PPARGC1A: variants seen among roughly 807,000 people sequenced by gnomAD.
The protein encoded by PPARGC1A is PPARG coactivator 1 alpha, also known as peroxisome proliferator-activated receptor gamma coactivator 1-alpha.
Under a neutral mutation model 88.7 loss-of-function variants are expected in PPARGC1A, and 25 were observed. The observed-to-expected ratio is 0.28, with a 90% CI of 0.21 to 0.39. The LOEUF (loss-of-function observed/expected upper bound fraction) is 0.39, where lower values mean the gene tolerates loss of function less well. Among genes scored for constraint, PPARGC1A ranks in the 10% least tolerant of loss-of-function variants. The pLI, the probability that PPARGC1A is intolerant of heterozygous loss-of-function variation, is 1.00. For missense variants in PPARGC1A, 880 were observed against 968.7 expected (o/e 0.91, Z 1.22); for synonymous variants, 363 against 355.6 (o/e 1.02, Z -0.24).
the PPARGC1A span, among the ~76,000 whole-genome samples, chr4:24,260,431 A>G: frequency 2.0e-5 from 3 of 152,244 alleles, no homozygotes; most frequent in South Asian, 2.1e-4. Flanking sequence ...GCACATTAAT[A>G]AAACTCACAC....
At chr4:23,805,800 T>C (rs1719698364) in intron 10 of PPARGC1A, among the ~76,000 whole-genome samples, 1 of 151,772 alleles carries the variant, frequency 6.6e-6, no homozygotes, top group Non-Finnish European at 1.5e-5. Flanking sequence ...AGTGCAGAAG[T>C]GAGAGAAAGA....
At chr4:23,906,367 C>A (rs1336170192), upstream of PPARGC1A, among the ~76,000 whole-genome samples, 1 of 151,604 alleles carries the variant, frequency 6.6e-6, no homozygotes, top group Admixed American at 6.6e-5. Context: ...AATCCCAGCA[C>A]TTTGTGAGGT....
At chr4:24,018,953 C>T in the PPARGC1A span, among the ~76,000 whole-genome samples, 2 of 152,102 alleles carry the variant, frequency 1.3e-5, no homozygotes, top group Non-Finnish European at 2.9e-5. Flanking sequence ...ACCAGGGATA[C>T]ACCTAGGTAT....
At chr4:23,899,442 A>C (rs1719032090), upstream of PPARGC1A, 1 of 152,240 alleles carries the variant, frequency 6.6e-6, no homozygotes, top group Admixed American at 6.5e-5. Flanking sequence ...TTTAGCCCGA[A>C]TCACACAAAA....
chr4:24,296,219 TTA>T, the PPARGC1A span, among the ~76,000 whole-genome samples: 1 of 149,682 alleles, frequency 6.7e-6, no homozygotes. Context: ...ATATATATAT[TTA>T]TATATATATA....
At chr4:24,210,926 C>G in the PPARGC1A span, among the ~76,000 whole-genome samples, 1 of 152,182 alleles carries the variant, frequency 6.6e-6, no homozygotes, top group South Asian at 2.1e-4. Context: ...TTTTCTGACT[C>G]TCTCTCCTCA....
At chr4:24,050,032 A>G in the PPARGC1A span, among the ~76,000 whole-genome samples, 1,537 of 152,210 alleles carry the variant, frequency 0.01, 21 homozygotes, top group African/African-American at 0.035. Context: ...ATGGTTTCTA[A>G]TGTTCATTCT....
chr4:24,092,589 A>T, the PPARGC1A span, among the ~76,000 whole-genome samples: 1 of 152,192 alleles, frequency 6.6e-6, no homozygotes, highest in Admixed American at 6.5e-5. Flanking sequence ...CGGTAAATTC[A>T]CTACCTCCCA....
the PPARGC1A span, among the ~76,000 whole-genome samples, chr4:24,171,545 T>C: frequency 6.6e-6 from 1 of 152,186 alleles, no homozygotes; most frequent in Admixed American, 6.5e-5. Context: ...CTCTCCCCTC[T>C]AGAGAACGGA....
chr4:23,924,893 AC>A, the PPARGC1A span, among the ~76,000 whole-genome samples: 5 of 151,978 alleles, frequency 3.3e-5, no homozygotes, highest in African/African-American at 1.2e-4. Flanking sequence ...GTGGATTCCT[AC>A]CCCCACTTTC....
intron 11 of PPARGC1A, 45 bp from the exon 12 acceptor site, chr4:23,801,926 G>A: frequency 6.2e-7 from 1 of 1,607,080 alleles, no homozygotes; most frequent in Non-Finnish European, 8.5e-7. Context: ...AGAAGTATTA[G>A]TATATGGGAC....
At chr4:24,145,658 T>A in the PPARGC1A span, among the ~76,000 whole-genome samples, 3 of 152,186 alleles carry the variant, frequency 2.0e-5, no homozygotes, top group Non-Finnish European at 2.9e-5. Context: ...TCTTCTAGGT[T>A]GGACAGAAAA....
the PPARGC1A span, among the ~76,000 whole-genome samples, chr4:24,269,992 T>C: frequency 3.7e-3 from 565 of 152,308 alleles, 4 homozygotes; most frequent in Non-Finnish European, 4.8e-3. Flanking sequence ...GGTTAAATAT[T>C]ATTCTGGGTG....
At chr4:23,926,431 A>G in the PPARGC1A span, among the ~76,000 whole-genome samples, 1 of 152,124 alleles carries the variant, frequency 6.6e-6, no homozygotes, top group African/African-American at 2.4e-5. Context: ...CCATTCCATG[A>G]TGAATGTCCT....
At chr4:24,460,216 T>G in the PPARGC1A span, among the ~76,000 whole-genome samples, 1 of 152,186 alleles carries the variant, frequency 6.6e-6, no homozygotes, top group Admixed American at 6.5e-5. Context: ...AAACAAGCAT[T>G]TTAACATAAC....
chr4:24,381,801 A>G, the PPARGC1A span, among the ~76,000 whole-genome samples: 1 of 152,252 alleles, frequency 6.6e-6, no homozygotes, highest in Non-Finnish European at 1.5e-5. Flanking sequence ...CAACTCTTTC[A>G]TCATTAGGTA....
chr4:24,168,538 T>C, the PPARGC1A span, among the ~76,000 whole-genome samples: 1 of 152,202 alleles, frequency 6.6e-6, no homozygotes, highest in Non-Finnish European at 1.5e-5. Context: ...AAATGGCTGA[T>C]TCTTGGACCG....
the PPARGC1A span, among the ~76,000 whole-genome samples, chr4:24,372,629 G>T: frequency 1.3e-5 from 2 of 152,160 alleles, no homozygotes; most frequent in African/African-American, 4.8e-5. Context: ...AAGATCTGAA[G>T]TTTATTTTTC....
At chr4:24,013,885 T>A in the PPARGC1A span, among the ~76,000 whole-genome samples, 1 of 151,898 alleles carries the variant, frequency 6.6e-6, no homozygotes, top group Non-Finnish European at 1.5e-5. Flanking sequence ...GTTTCCCTCA[T>A]CAACATTCAA....
Sources: allele counts gnomAD v4.1 joint callset (sites outside exome capture counted in the v4.1 genomes callset), GRCh38; gene constraint gnomAD v4.1.1; transcripts MANE v1.5; gene names NCBI Gene and HGNC (gene_info 2026-07-23, HGNC 2026-07-21).